Variants in WDPCP observed in about 807,000 individuals in gnomAD.
WDPCP encodes the protein WD repeat containing planar cell polarity effector.
WDPCP carries 71 observed loss-of-function variants against 93.1 expected under a neutral mutation model. That is an observed-to-expected ratio of 0.76 (90% CI 0.63 to 0.93). The LOEUF (loss-of-function observed/expected upper bound fraction) is 0.93. Ranked by LOEUF, WDPCP falls within the 40% of genes least tolerant of loss-of-function variation. The probability of loss-of-function intolerance (pLI) is 0.00; values close to 1 mark genes in which losing one functional copy is unlikely to be tolerated. For synonymous variants in WDPCP, 315 were observed against 315.0 expected, an observed-to-expected ratio of 1.00 and a Z score of 0.00; for missense variants, 844 against 887.4, an observed-to-expected ratio of 0.95 and a Z score of 0.62.
At chr2:63,580,928 G>C (rs191913600) in intron 1 of WDPCP, among the ~76,000 whole-genome samples, 352 of 152,242 alleles carry the variant, frequency 2.3e-3, no homozygotes, top group African/African-American at 8.0e-3. Context: ...AAAAATCAAG[G>C]GGATAGTGTG....
At chr2:63,557,273 G>A (rs1286936907) in intron 1 of WDPCP, among the ~76,000 whole-genome samples, 5 of 152,074 alleles carry the variant, frequency 3.3e-5, no homozygotes, top group Admixed American at 1.3e-4. Flanking sequence ...CCCATCTCAC[G>A]TGCAAAGACA....
At chr2:63,652,490 T>C (rs190285677) in intron 2 of WDPCP, among the ~76,000 whole-genome samples, 5 of 152,298 alleles carry the variant, frequency 3.3e-5, no homozygotes, top group Non-Finnish European at 7.4e-5. Context: ...TGTCACTGGG[T>C]CTACAAGTAG....
At chr2:63,294,849 T>C (rs1684723544) in intron 13 of WDPCP, among the ~76,000 whole-genome samples, 1 of 152,190 alleles carries the variant, frequency 6.6e-6, no homozygotes, top group Admixed American at 6.5e-5. Flanking sequence ...TACTAATTCA[T>C]TTTAAAAATT....
intron 13 of WDPCP, among the ~76,000 whole-genome samples, chr2:63,277,954 A>G (rs1473395166): frequency 6.6e-6 from 1 of 152,210 alleles, no homozygotes; most frequent in African/African-American, 2.4e-5. Context: ...TATACATTCT[A>G]TTCATCAGCA....
chr2:63,377,368 T>C (rs1393558374), intron 12 of WDPCP, among the ~76,000 whole-genome samples: 2 of 151,624 alleles, frequency 1.3e-5, no homozygotes, highest in African/African-American at 4.8e-5. Flanking sequence ...TCCTCCTTTT[T>C]GGTACACAGT....
chr2:63,607,008 A>G (rs765054915), intron 3 of WDPCP: 2 of 1,601,592 alleles, frequency 1.2e-6, no homozygotes, highest in Non-Finnish European at 1.7e-6. Flanking sequence ...ATGTTACTAA[A>G]TGCTTCAAAG....
At chr2:63,256,166 CT>C (rs1359378395) in intron 14 of WDPCP, among the ~76,000 whole-genome samples, 2 of 151,824 alleles carry the variant, frequency 1.3e-5, no homozygotes, top group African/African-American at 2.4e-5. Context: ...GTTTTTGTTT[CT>C]TTTTTTTCCT....
At chr2:63,499,245 T>C (rs1243566472) in intron 1 of WDPCP, among the ~76,000 whole-genome samples, 1 of 151,958 alleles carries the variant, frequency 6.6e-6, no homozygotes, top group African/African-American at 2.4e-5. Flanking sequence ...GGGAAATAGA[T>C]AAAAAGGAGG....
At chr2:63,604,501 T>C (rs923432142) in intron 3 of WDPCP, among the ~76,000 whole-genome samples, 4 of 152,240 alleles carry the variant, frequency 2.6e-5, no homozygotes, top group African/African-American at 9.6e-5. Context: ...AAGTCCACAG[T>C]TGTTACCACT....
At chr2:63,439,681 A>G (rs1230048774) in intron 7 of WDPCP, 76 bp downstream of exon 7, 2 of 1,279,162 alleles carry the variant, frequency 1.6e-6, no homozygotes, top group Non-Finnish European at 1.1e-6. Context: ...GGTAATAATT[A>G]GTCTACCTGT....
intron 1 of WDPCP, among the ~76,000 whole-genome samples, chr2:63,562,965 G>GT (rs937175378): frequency 5.3e-5 from 8 of 152,136 alleles, no homozygotes; most frequent in African/African-American, 1.9e-4. Flanking sequence ...GTGGACACTA[G>GT]TGTGCTCACT....
chr2:63,168,799 G>T (rs1158404775), intron 15 of WDPCP: 1 of 152,190 alleles, frequency 6.6e-6, no homozygotes, highest in East Asian at 1.9e-4. Flanking sequence ...ATTGTGCCTG[G>T]TGAATAACCA....
intron 1 of WDPCP, among the ~76,000 whole-genome samples, chr2:63,547,948 T>C (rs1705278588): frequency 6.6e-6 from 1 of 152,100 alleles, no homozygotes; most frequent in Non-Finnish European, 1.5e-5. Flanking sequence ...CAAATATTTC[T>C]ACCATAAAGT....
chr2:63,217,344 G>C (rs540564785), intron 14 of WDPCP, among the ~76,000 whole-genome samples: 26 of 152,324 alleles, frequency 1.7e-4, no homozygotes, highest in African/African-American at 6.3e-4. Context: ...GACAGAAACT[G>C]TGTGGCCCAC....
intron 12 of WDPCP, among the ~76,000 whole-genome samples, chr2:63,376,960 T>C (rs1575269808): frequency 6.6e-6 from 1 of 151,884 alleles, no homozygotes; most frequent in East Asian, 1.9e-4. Context: ...AATTCTCAAA[T>C]CTTGACCAAT....
At chr2:63,368,372 C>T (rs1164262945) in intron 12 of WDPCP, among the ~76,000 whole-genome samples, 1 of 151,780 alleles carries the variant, frequency 6.6e-6, no homozygotes, top group Non-Finnish European at 1.5e-5. Flanking sequence ...GTCGCCCAGG[C>T]TGGAGTGCAG....
At chr2:63,406,715 A>G (rs1694618443) in intron 9 of WDPCP, among the ~76,000 whole-genome samples, 1 of 152,114 alleles carries the variant, frequency 6.6e-6, no homozygotes, top group Non-Finnish European at 1.5e-5. Flanking sequence ...AGCAGGTATG[A>G]CCTAATGTAC....
chr2:63,347,468 T>C (rs1385952583), intron 12 of WDPCP, among the ~76,000 whole-genome samples: 2 of 152,168 alleles, frequency 1.3e-5, no homozygotes, highest in East Asian at 3.9e-4. Flanking sequence ...AATTGCATAG[T>C]AGGACATGGA....
At chr2:63,234,396 G>C (rs1679199130) in intron 14 of WDPCP, among the ~76,000 whole-genome samples, 1 of 152,158 alleles carries the variant, frequency 6.6e-6, no homozygotes, top group Non-Finnish European at 1.5e-5. Context: ...TGGGGCTGCA[G>C]TGAGCTATGA....
Sources: gnomAD v4.1 joint callset for allele counts (sites outside exome capture counted in the v4.1 genomes callset) on GRCh38, gnomAD v4.1.1 for gene constraint, MANE v1.5 for transcripts, NCBI Gene and HGNC (gene_info 2026-07-23, HGNC 2026-07-21) for gene names.